Variants in FRMD6 observed in about 807,000 individuals in gnomAD.
FRMD6 encodes FERM domain-containing protein 6.
In FRMD6, 37 loss-of-function variants were observed where a neutral mutation model predicts 73.2. The ratio of observed to expected loss-of-function variants is 0.51; its 90% CI spans 0.39 to 0.66. The LOEUF (loss-of-function observed/expected upper bound fraction) is 0.66. Ranked by LOEUF, FRMD6 falls within the 30% of genes least tolerant of loss-of-function variation. FRMD6 has a pLI of 0.00. For missense variants in FRMD6, 714 were observed against 780.5 expected (o/e 0.91, Z 1.02); for synonymous variants, 273 against 282.2 (o/e 0.97, Z 0.33).
At chr14:51,677,772 C>T (rs1894498427) in intron 1 of FRMD6, among the ~76,000 whole-genome samples, 2 of 152,056 alleles carry the variant, frequency 1.3e-5, no homozygotes. Flanking sequence ...AGATGTGGGC[C>T]CTAGGTGGCT....
chr14:51,440,367 C>T, the FRMD6 span, among the ~76,000 whole-genome samples: 3 of 152,122 alleles, frequency 2.0e-5, no homozygotes, highest in East Asian at 5.8e-4. Context: ...CAGAAACATA[C>T]CCAAGAACAA....
intron 1 of FRMD6, among the ~76,000 whole-genome samples, chr14:51,666,251 A>G (rs909178448): frequency 2.0e-5 from 3 of 152,216 alleles, no homozygotes; most frequent in African/African-American, 7.2e-5. Context: ...GTTCTGTCAC[A>G]TAGATGGATG....
At chr14:51,560,196 G>T (rs778938430) in intron 1 of FRMD6, among the ~76,000 whole-genome samples, 24 of 152,114 alleles carry the variant, frequency 1.6e-4, no homozygotes, top group Non-Finnish European at 2.1e-4. Flanking sequence ...GTGTGAGAAG[G>T]CAGAGTCTCA....
At chr14:51,513,486 G>A (rs145803380) in intron 1 of FRMD6, among the ~76,000 whole-genome samples, 1 of 152,194 alleles carries the variant, frequency 6.6e-6, no homozygotes, top group Admixed American at 6.5e-5. Flanking sequence ...CCCCGGGCCA[G>A]GCCTTTCTTC....
chr14:51,710,142 A>G (rs1896862039), intron 7 of FRMD6, among the ~76,000 whole-genome samples: 1 of 152,204 alleles, frequency 6.6e-6, no homozygotes, highest in African/African-American at 2.4e-5. Flanking sequence ...TTTCAAGTTT[A>G]CTTAAAGTAT....
chr14:51,414,100 G>A, the FRMD6 span, among the ~76,000 whole-genome samples: 5 of 152,158 alleles, frequency 3.3e-5, no homozygotes, highest in Non-Finnish European at 4.4e-5. Flanking sequence ...CCATTCTGTA[G>A]GTTGCCTGTT....
intron 2 of FRMD6, among the ~76,000 whole-genome samples, chr14:51,577,271 G>GAA (rs558939432): frequency 8.7e-4 from 125 of 144,090 alleles, no homozygotes; most frequent in African/African-American, 2.8e-3. Context: ...TACTCCAATG[G>GAA]AAAAAAAAAA....
At chr14:51,554,033 A>C (rs1019592221) in intron 1 of FRMD6, among the ~76,000 whole-genome samples, 1 of 152,226 alleles carries the variant, frequency 6.6e-6, no homozygotes, top group African/African-American at 2.4e-5. Context: ...CTGGAGCAAA[A>C]AAATATACAA....
chr14:51,720,097 A>C lies in FRMD6; in HGVS notation c.1067A>C (p.Asp356Ala). Residue 356 changes from aspartate (D) to alanine (A), a missense_variant, in exon 11 of 14, where the codon GAC (aspartate) becomes GCC (alanine). By Grantham distance (126) the Asp-to-Ala change is moderately radical (BLOSUM62 -2). Coordinates refer to ENST00000344768, the MANE Select transcript of FRMD6 (RefSeq NM_001267046.2). ...GAATCTTACATCAGTGACAACCTGG[A>C]CCTCGACATGGACCAGCTGGAAAAA... ...YRESYISDNL[D>A]LDMDQLEKRS... The C allele has an allele frequency of 2.5e-6, 4 of 1,613,608 alleles. No homozygotes were observed. The highest frequency in any genetic ancestry group is 3.4e-6 in the Non-Finnish European group (4 of 1,179,956).
intron 2 of FRMD6, chr14:51,599,906 G>C (rs1275601218): frequency 6.7e-6 from 1 of 148,652 alleles, no homozygotes; most frequent in African/African-American, 2.5e-5. Context: ...GGAGGCTCCT[G>C]GGTCCTCAGA....
the FRMD6 span, among the ~76,000 whole-genome samples, chr14:51,461,866 G>C: frequency 6.6e-6 from 1 of 152,240 alleles, no homozygotes; most frequent in African/African-American, 2.4e-5. Flanking sequence ...TGTTACTTCT[G>C]TCTCAGTATC....
intron 2 of FRMD6, among the ~76,000 whole-genome samples, chr14:51,628,726 A>T (rs1439485354): frequency 7.8e-6 from 1 of 127,728 alleles, no homozygotes; most frequent in Non-Finnish European, 1.6e-5. Flanking sequence ...ACTTGAACCC[A>T]GGTGGCAGAG....
chr14:51,461,585 C>T, the FRMD6 span, among the ~76,000 whole-genome samples: 12 of 152,170 alleles, frequency 7.9e-5, no homozygotes, highest in Admixed American at 1.3e-4. Flanking sequence ...CAAGGAGTTA[C>T]TGGTCTTTTG....
chr14:51,430,357 A>G, the FRMD6 span, among the ~76,000 whole-genome samples: 1 of 152,220 alleles, frequency 6.6e-6, no homozygotes, highest in African/African-American at 2.4e-5. Context: ...GCTCCTGTTA[A>G]GTACTGCTGA....
At chr14:51,410,709 A>C in the FRMD6 span, among the ~76,000 whole-genome samples, 118 of 152,356 alleles carry the variant, frequency 7.7e-4, 1 homozygote, top group African/African-American at 2.5e-3. Flanking sequence ...ACACGTTCAT[A>C]CATTATATGT....
In FRMD6 at chr14:51,712,478, C is replaced by T; in HGVS notation, c.781-5C>T. The stretch of plus-strand genomic sequence containing the variant: ...ATTAACTCCATATGCATATTCTTTT[C>T]ACAGAATTTAGATGAAGAGAAACAA... On this transcript the variant is annotated splice_polypyrimidine_tract_variant and splice_region_variant and intron_variant, in intron 8 of 13. Transcript: ENST00000344768. 6.4e-7 allele frequency: 1 copy of T among 1,565,322 alleles called. No individual in the cohort carries two copies. Among genetic ancestry groups the T allele is most frequent in the South Asian group, 1.1e-5 (1 of 89,314 alleles).
At chr14:51,571,664 C>T (rs551984006) in intron 2 of FRMD6, among the ~76,000 whole-genome samples, 1 of 152,280 alleles carries the variant, frequency 6.6e-6, no homozygotes, top group South Asian at 2.1e-4. Context: ...ATGATTTCTT[C>T]TCCAAATCAT....
intron 2 of FRMD6, among the ~76,000 whole-genome samples, chr14:51,616,338 C>A (rs1437144260): frequency 6.6e-6 from 1 of 152,126 alleles, no homozygotes; most frequent in Non-Finnish European, 1.5e-5. Flanking sequence ...TAAGATGCAG[C>A]CTAGGCACTG....
chr14:51,488,348 G>T (rs761282611), upstream of FRMD6, among the ~76,000 whole-genome samples: 3 of 152,212 alleles, frequency 2.0e-5, no homozygotes, highest in Admixed American at 6.5e-5. Flanking sequence ...ACAAAAACAA[G>T]ATGGAATAGA....
Sources: allele counts gnomAD v4.1 joint callset (sites outside exome capture counted in the v4.1 genomes callset), GRCh38; gene constraint gnomAD v4.1.1; transcripts MANE v1.5; gene names NCBI Gene and HGNC (gene_info 2026-07-23, HGNC 2026-07-21).